DNAH2: variants seen among roughly 807,000 people sequenced by gnomAD.
The protein encoded by DNAH2 is dynein axonemal heavy chain 2, also known as axonemal beta dynein heavy chain 2.
DNAH2 carries 323 observed loss-of-function variants against 523.5 expected under a neutral mutation model. That is an observed-to-expected ratio of 0.62 (90% CI 0.56 to 0.68). The LOEUF (loss-of-function observed/expected upper bound fraction) is 0.68, where lower values mean the gene tolerates loss of function less well. DNAH2 is among the 30% of genes least tolerant of loss of function. DNAH2 has a pLI of 0.00. For missense variants in DNAH2, 4,907 were observed against 5,701.5 expected, an observed-to-expected ratio of 0.86 and a Z score of 4.49; for synonymous variants, 2,093 against 2,177.4, an observed-to-expected ratio of 0.96 and a Z score of 1.08.
rs767093977 is a variant in DNAH2, at chr17:7,781,071, C to T, written c.6033C>T (p.Asn2011=). The part of the protein sequence containing the change: ...EVLLLSMRDM[N]IAKLTSVDAP... ...TGCTGCTCTCAATGAGAGATATGAA[C>T]ATCGCCAAGCTCACTTCAGTTGATG... The change falls in exon 39 of 86, where the codon AAC becomes AAT. Residue 2011 remains asparagine, a synonymous_variant. Transcript: ENST00000572933. 4.3e-6 allele frequency: 7 copies of T among 1,614,230 alleles called. No individual in the cohort carries two copies. The East Asian group carries it at 6.7e-5, about 15-fold the overall frequency.
chr17:7,818,187 A>G, intron 68 of DNAH2, 91 bp downstream of exon 68: 1 of 1,597,100 alleles, frequency 6.3e-7, no homozygotes, highest in South Asian at 1.1e-5. Context: ...CTGTCCCTCC[A>G]TTCAGACAGC....
rs750998765 is a variant in DNAH2, at chr17:7,727,108, C to T, written c.229-14C>T. The T allele has an allele frequency of 5.2e-6, 8 of 1,535,080 alleles. No homozygotes were observed. The African/African-American group carries it at 7.1e-5, about 14-fold the overall frequency. On this transcript the variant is annotated splice_polypyrimidine_tract_variant and intron_variant, in intron 3 of 85. Coordinates refer to ENST00000572933, the MANE Select transcript of DNAH2 (RefSeq NM_020877.5). ...CAGTTGTAGTTACTTTGGCCCTCTG[C>T]TCTCCTTCTGTAGAAGCCCCTCTTC...
intron 28 of DNAH2, 95 bp from the exon 29 acceptor site, chr17:7,774,664 G>T (rs768865807): frequency 2.7e-6 from 3 of 1,125,974 alleles, no homozygotes; most frequent in Non-Finnish European, 3.9e-6. Flanking sequence ...GTGCCCCACT[G>T]TTCAAGAGCT....
chr17:7,833,063 C>A lies in DNAH2; in HGVS notation c.12979-8C>A, dbSNP rs767820485. The A allele has an allele frequency of 1.9e-6, 3 of 1,613,340 alleles. No individual in the cohort carries two copies. In the African/African-American group the frequency reaches 4.0e-5, roughly 22 times the overall value. ...GCTTCTCCCAGACCTGCTCCCATTT[C>A]TCCCCAGGATGGTGTCTGGGTCCGG... On this transcript the variant is annotated splice_region_variant and splice_polypyrimidine_tract_variant and intron_variant, in intron 84 of 85. Transcript: ENST00000572933.
intron 57 of DNAH2, 47 bp from the exon 58 acceptor site, chr17:7,801,831 C>G: frequency 6.2e-7 from 1 of 1,613,262 alleles, no homozygotes; most frequent in Admixed American, 1.7e-5. Context: ...AGCCTCTCTC[C>G]CACTTCCGTT....
Position 7,776,865 on chromosome 17 carries a change from C to T in DNAH2, c.5034C>T (p.Ile1678=), listed in dbSNP as rs1466887776. Residue 1678 remains isoleucine (I), a synonymous_variant, in exon 32 of 86, where the codon ATC becomes ATT. Coordinates refer to ENST00000572933, the MANE Select transcript of DNAH2 (RefSeq NM_020877.5). ...CGAAGGAGCGGGCAGACAAGAAAAT[C>T]CTCAAGGTCATGAAGAAGAACCAGG... The part of the protein sequence containing the change: ...LTAKERADKK[I]LKVMKKNQVS... 6.2e-7 allele frequency: 1 copy of T among 1,611,508 alleles called. No homozygotes were observed. Among genetic ancestry groups the T allele is most frequent in the South Asian group, 1.1e-5 (1 of 90,984 alleles).
chr17:7,754,713 G>T lies in DNAH2; in HGVS notation c.1905-2378G>T. On this transcript the variant is annotated intron_variant, in intron 12 of 85. Coordinates refer to ENST00000572933, the MANE Select transcript of DNAH2 (RefSeq NM_020877.5). The surrounding 1 kb of genome is among the most constrained non-coding windows in gnomAD (Gnocchi z 4.6). ...CCCCAACCTTGGGAAGCTTGCTCGT[G>T]CCCGCATGGCCAAGGGGCTCAGGCT... is the stretch of plus-strand genomic sequence containing the variant. 2 of 1,160,614 alleles carry T rather than the reference G, an allele frequency of 1.7e-6. No individual in the cohort carries two copies. Among genetic ancestry groups the T allele is most frequent in the South Asian group, 1.2e-5 (1 of 80,360 alleles). The allele number at this position is 1,160,614 out of a possible 1,614,324, so 71.9% of individuals were successfully genotyped here.
At chr17:7,720,415 C>T (rs779663469) in intron 2 of DNAH2, among the ~76,000 whole-genome samples, 6 of 152,202 alleles carry the variant, frequency 3.9e-5, no homozygotes, top group East Asian at 3.9e-4. Flanking sequence ...TGGTAGACTG[C>T]GGAGGTTCAG....
rs2078173700 is a variant in DNAH2 at position 7,831,502 on chromosome 17, A to G, written c.12572A>G (p.Gln4191Arg). The G allele has an allele frequency of 6.2e-7, 1 of 1,614,092 alleles. No homozygotes were observed. The highest frequency in any genetic ancestry group is 1.1e-5 in the South Asian group (1 of 91,088). ...DPSPLNVVLL[Q>R]EIQRYNTLMQ... ...TCCCCCCTCAATGTGGTCCTTCTGCAGGAGATCCAGAGATACAACACACTG... is the reference window on the plus strand; with the variant it reads ...TCCCCCCTCAATGTGGTCCTTCTGCGGGAGATCCAGAGATACAACACACTG... The change falls in exon 81 of 86, where the codon CAG becomes CGG. Residue 4191 changes from glutamine to arginine, a missense_variant. Coordinates refer to ENST00000572933, the MANE Select transcript of DNAH2 (RefSeq NM_020877.5). This position sits in a 1 kb window ranked among gnomAD's most constrained non-coding sequence, Gnocchi z 4.2.
chr17:7,829,612 C>T (rs897472247), intron 77 of DNAH2, among the ~76,000 whole-genome samples: 4 of 152,126 alleles, frequency 2.6e-5, no homozygotes, highest in African/African-American at 7.2e-5. Flanking sequence ...AACCTTTGCA[C>T]GCAATTCCGT....
chr17:7,776,640 G>T, intron 31 of DNAH2, 139 bp from the exon 32 acceptor site: 1 of 619,158 alleles, frequency 1.6e-6, no homozygotes, highest in Non-Finnish European at 2.9e-6. Flanking sequence ...CCTGACCTGA[G>T]GCCCATGTCC....
Position 7,805,362 on chromosome 17 carries a change from GC to G in DNAH2, c.9414del (p.Thr3139HisfsTer9), listed in dbSNP as rs1567729842. On this transcript the variant is annotated frameshift_variant, in exon 61 of 86. Coordinates refer to ENST00000572933, the MANE Select transcript of DNAH2 (RefSeq NM_020877.5). LOFTEE classifies it high-confidence loss of function. ...QAVMILRGNE[P>X]TWAEAKRQLG... ...CAGTTATGATTCTTCGAGGCAACGA[GC>G]CCACATGGGCAGAGGCCAAGAGGCA... 1 of 1,614,268 alleles carries G rather than the reference GC, an allele frequency of 6.2e-7. No individual in the cohort carries two copies. The highest frequency in any genetic ancestry group is 8.5e-7 in the Non-Finnish European group (1 of 1,180,048).
In DNAH2 at chr17:7,780,711, C is replaced by T. The variant is rs370451060; in HGVS notation, c.5932C>T (p.Arg1978Cys). The change falls in exon 38 of 86, where the codon CGT becomes TGT. Residue 1978 changes from arginine (R) to cysteine (C), a missense_variant. Arg to Cys is a radical substitution (Grantham distance 180). Around this residue, in one of 3 missense-constraint regions of DNAH2, gnomAD observed 2,806 missense variants for 3,190.8 expected, o/e 0.88. Coordinates refer to ENST00000572933, the MANE Select transcript of DNAH2 (RefSeq NM_020877.5). The surrounding 1 kb of genome is among the most constrained non-coding windows in gnomAD (Gnocchi z 4.4). Reference sequence around the variant, plus strand: ...ACAGGACCACTATGACTTTGGCCTGCGTGCCCTCACCTCCCTTCTGCGCTA... The same window carrying T: ...ACAGGACCACTATGACTTTGGCCTGTGTGCCCTCACCTCCCTTCTGCGCTA... ...SRQDHYDFGL[R>C]ALTSLLRYAG... is the part of the protein sequence containing the mutation. 21 of 1,614,106 alleles carry T rather than the reference C, an allele frequency of 1.3e-5. No individual in the cohort carries two copies. Among genetic ancestry groups the T allele is most frequent in the South Asian group, 3.3e-5 (3 of 91,092 alleles).
chr17:7,833,154 G>A lies in DNAH2; in HGVS notation c.13062G>A (p.Met4354Ile). Reference protein sequence around the residue: ...KNSCLVEAEPMQLVCLMPTIH... With the variant: ...KNSCLVEAEPIQLVCLMPTIH... ...CCTGCTTGGTGGAGGCAGAGCCCATGCAGCTTGTCTGCCTCATGCCCACGA... is the reference window on the plus strand; with the variant it reads ...CCTGCTTGGTGGAGGCAGAGCCCATACAGCTTGTCTGCCTCATGCCCACGA... The change falls in exon 85 of 86, where the codon ATG becomes ATA. Residue 4354 changes from methionine to isoleucine, a missense_variant. Met to Ile is a conservative substitution (Grantham distance 10). Around this residue, in one of 3 missense-constraint regions of DNAH2, gnomAD observed 1,851 missense variants for 2,139.4 expected, o/e 0.87. Transcript: ENST00000572933. 1 of 1,610,894 alleles carries A rather than the reference G, an allele frequency of 6.2e-7. No homozygotes were observed. The highest frequency in any genetic ancestry group is 8.5e-7 in the Non-Finnish European group (1 of 1,180,016).
intron 49 of DNAH2, among the ~76,000 whole-genome samples, chr17:7,795,963 A>G (rs1222415195): frequency 6.8e-6 from 1 of 146,578 alleles, no homozygotes; most frequent in Admixed American, 6.9e-5. Context: ...ATAAATAAAT[A>G]TAAATATGTA....
At position 7,767,768 on chromosome 17, in the gene DNAH2, T is replaced by G. The variant is rs1013103664; in HGVS notation, c.3676-132T>G. 15 of 1,158,456 alleles carry G rather than the reference T, an allele frequency of 1.3e-5. No homozygotes were observed. In the Admixed American group the frequency reaches 4.1e-4, roughly 32 times the overall value. The allele number at this position is 1,158,456 out of a possible 1,614,324, so 71.8% of individuals were successfully genotyped here. ...TAAGGCAACAGAGTGGAGAAAAATA[T>G]GTGGACTGAGGAGGCCGCTGTATTA... On this transcript the variant is annotated intron_variant, in intron 22 of 85. Transcript: ENST00000572933.
chr17:7,728,449 A>G (rs901098606), intron 4 of DNAH2, among the ~76,000 whole-genome samples: 6 of 152,232 alleles, frequency 3.9e-5, no homozygotes, highest in African/African-American at 1.4e-4. Flanking sequence ...TGCGTTGAAC[A>G]TGGGCAGAAG....
At position 7,821,210 on chromosome 17, in the gene DNAH2, T is replaced by C. The variant is rs1315483652; in HGVS notation, c.11016-33T>C. 2 of 1,603,760 alleles carry C rather than the reference T, an allele frequency of 1.2e-6. No individual in the cohort carries two copies. The highest frequency in any genetic ancestry group is 2.7e-5 in the African/African-American group (2 of 74,772). ...TGGAGCATCAGCCCCCATTCCATGC[T>C]GCCCCTCCCTCTTCCCTGTCCCTTT... On this transcript the variant is annotated intron_variant, in intron 72 of 85. Transcript: ENST00000572933. This position sits in a 1 kb window ranked among gnomAD's most constrained non-coding sequence, Gnocchi z 5.0.
At chr17:7,829,571 A>G (rs1329686593) in intron 77 of DNAH2, among the ~76,000 whole-genome samples, 1 of 151,512 alleles carries the variant, frequency 6.6e-6, no homozygotes, top group Non-Finnish European at 1.5e-5. Context: ...TTCTTCCTTG[A>G]TGATATATTA....
Sources: allele counts gnomAD v4.1 joint callset (sites outside exome capture counted in the v4.1 genomes callset), GRCh38; gene constraint gnomAD v4.1.1; regional missense constraint gnomAD v4.1.1; non-coding constraint Gnocchi (gnomAD v3.1); transcripts MANE v1.5; gene names NCBI Gene and HGNC (gene_info 2026-07-23, HGNC 2026-07-21).